Variants in ERN1 observed in about 807,000 individuals in gnomAD.
ERN1 encodes endoplasmic reticulum to nucleus signaling 1.
In ERN1, 39 loss-of-function variants were observed where a neutral mutation model predicts 113.1. That is an observed-to-expected ratio of 0.34 (90% CI 0.27 to 0.45). The LOEUF is 0.45. Among genes scored for constraint, ERN1 ranks in the 20% least tolerant of loss-of-function variants. ERN1 has a pLI of 1.00. For missense variants in ERN1, 976 were observed against 1,274.8 expected (o/e 0.77, Z 3.57); for synonymous variants, 507 against 515.9 (o/e 0.98, Z 0.23).
At position 64,066,804 on chromosome 17, in the gene ERN1, G is replaced by T. The variant is rs1256105016; in HGVS notation, c.709C>A (p.Leu237Met). The stretch of plus-strand genomic sequence containing the variant: ...ACATTGATGTGCATCACCTTCCTCA[G>T]ACCCTCCCGCTGCCAGACATAAAAG... ...VAFYVWQREG[L>M]RKVMHINVAV... The change falls in exon 8 of 22, where the codon CTG (leucine) becomes ATG (methionine). Residue 237 changes from leucine to methionine, a missense_variant. Physicochemically the swap from Leu to Met is conservative, Grantham distance 15 (BLOSUM62 2). Transcript: ENST00000433197. 2 of 1,613,776 alleles carry T rather than the reference G, an allele frequency of 1.2e-6. No homozygotes were observed. Among genetic ancestry groups the T allele is most frequent in the Non-Finnish European group, 1.7e-6 (2 of 1,179,874 alleles).
rs1172791473 is a variant in ERN1, at chr17:64,049,784, A to T, written c.2254-582T>A. Among the ~76,000 whole-genome samples the T allele has an allele frequency of 6.6e-6, 1 of 152,228 alleles. No individual in the cohort carries two copies. The highest frequency in any genetic ancestry group is 1.9e-4 in the East Asian group (1 of 5,200). On this transcript the variant is annotated intron_variant, in intron 17 of 21. Transcript: ENST00000433197. This position sits in a 1 kb window ranked among gnomAD's most constrained non-coding sequence, Gnocchi z 4.7. ...TCCGAGAAAGCCTCTCACTTATCCC[A>T]TGAAACCATTCTGTGTCTACAGAAT...
chr17:64,048,957 C>T (rs907588079), intron 18 of ERN1, 98 bp downstream of exon 18: 20 of 1,241,136 alleles, frequency 1.6e-5, no homozygotes, highest in Admixed American at 1.3e-4. Flanking sequence ...TGGGGCACCA[C>T]GGCCTCTGTG....
chr17:64,049,284 G>A lies in ERN1; in HGVS notation c.2254-82C>T, dbSNP rs1276852877. ...CAGTCAGGGAGGGAGGAGCATTGCT[G>A]CTGCTTCTGCCACCTAGAAGGTGTC... On this transcript the variant is annotated intron_variant, in intron 17 of 21. Coordinates refer to ENST00000433197, the MANE Select transcript of ERN1 (RefSeq NM_001433.5). The surrounding 1 kb of genome is among the most constrained non-coding windows in gnomAD (Gnocchi z 4.7). 19 of 1,376,848 alleles carry A rather than the reference G, an allele frequency of 1.4e-5. No homozygotes were observed. The highest frequency in any genetic ancestry group is 2.9e-5 in the African/African-American group (2 of 68,680). 85.3% of individuals were successfully genotyped at this position (1,376,848 alleles called of 1,614,324 possible). A position where few individuals can be genotyped will look rare whatever the true frequency, so the allele number is the denominator to read the frequency against.
chr17:64,110,869 C>A (rs996763226), intron 1 of ERN1, among the ~76,000 whole-genome samples: 1 of 152,202 alleles, frequency 6.6e-6, no homozygotes, highest in African/African-American at 2.4e-5. Context: ...TGTGCTGGCA[C>A]AACCAAACCT....
intron 17 of ERN1, among the ~76,000 whole-genome samples, chr17:64,051,746 A>C (rs1321636148): frequency 1.3e-5 from 2 of 152,260 alleles, no homozygotes; most frequent in Non-Finnish European, 2.9e-5. Flanking sequence ...ATCCTGGTAT[A>C]TAAAACCCAG....
intron 1 of ERN1, among the ~76,000 whole-genome samples, chr17:64,122,255 G>C (rs578085497): frequency 6.6e-6 from 1 of 152,216 alleles, no homozygotes; most frequent in African/African-American, 2.4e-5. Context: ...CTGGAAGACA[G>C]AGCAGGGTAG....
intron 2 of ERN1, among the ~76,000 whole-genome samples, chr17:64,094,279 C>T (rs1460766571): frequency 6.6e-6 from 1 of 152,174 alleles, no homozygotes; most frequent in African/African-American, 2.4e-5. Flanking sequence ...CTATCCTGCA[C>T]TTGTCTCCAT....
At position 64,066,747 on chromosome 17, in the gene ERN1, T is replaced by G. The variant is rs1913239701; in HGVS notation, c.766A>C (p.Met256Leu). The G allele has an allele frequency of 1.9e-6, 3 of 1,613,788 alleles. No individual in the cohort carries two copies. Among genetic ancestry groups the G allele is most frequent in the Admixed American group, 1.7e-5 (1 of 59,996 alleles). ...AVETLRYLTF[M>L]SGEVGRITKW... Reference sequence around the variant, plus strand: ...GTGATGCGCCCCACCTCCCCAGACATGAAGGTCAGATAGCGCAGGGTCTCC... The same window carrying G: ...GTGATGCGCCCCACCTCCCCAGACAGGAAGGTCAGATAGCGCAGGGTCTCC... The change falls in exon 8 of 22, where the codon ATG (methionine) becomes CTG (leucine). Residue 256 changes from methionine to leucine, a missense_variant. Coordinates refer to ENST00000433197, the MANE Select transcript of ERN1 (RefSeq NM_001433.5).
Position 64,063,906 on chromosome 17 carries a change from T to G in ERN1, c.1087+80A>C. 7.2e-7 allele frequency: 1 copy of G among 1,395,528 alleles called. No individual in the cohort carries two copies. The highest frequency in any genetic ancestry group is 2.3e-5 in the East Asian group (1 of 42,950). The allele number at this position is 1,395,528 out of a possible 1,614,324, so 86.4% of individuals were successfully genotyped here. A position where few individuals can be genotyped will look rare whatever the true frequency, so the allele number is the denominator to read the frequency against. ...ACAAGGCCTTCCGAGCTCAGTACGG[T>G]GTAACTACCAGGGCCGGCGGTCGCC... is the stretch of plus-strand genomic sequence containing the variant. On this transcript the variant is annotated intron_variant, in intron 10 of 21. Transcript: ENST00000433197. This position sits in a 1 kb window ranked among gnomAD's most constrained non-coding sequence, Gnocchi z 5.1.
intron 2 of ERN1, among the ~76,000 whole-genome samples, chr17:64,091,952 ACC>A (rs1000214926): frequency 5.9e-5 from 9 of 152,302 alleles, no homozygotes; most frequent in African/African-American, 2.2e-4. Context: ...CAGGTAACAC[ACC>A]ACACACACTG....
At chr17:64,071,466 G>A (rs981997087) in intron 6 of ERN1, among the ~76,000 whole-genome samples, 3 of 151,976 alleles carry the variant, frequency 2.0e-5, no homozygotes, top group Non-Finnish European at 4.4e-5. Flanking sequence ...TGTTGCCCAG[G>A]CTGGAGTGCA....
intron 1 of ERN1, among the ~76,000 whole-genome samples, chr17:64,109,706 G>A (rs1051723690): frequency 1.3e-5 from 2 of 152,216 alleles, no homozygotes; most frequent in Non-Finnish European, 2.9e-5. Flanking sequence ...CACAGGAAAA[G>A]AAATCAAGGC....
At position 64,128,093 on chromosome 17, in the gene ERN1, C is replaced by T. The variant is rs945564462; in HGVS notation, c.54+1883G>A. 4.6e-5 allele frequency among the ~76,000 whole-genome samples: 7 copies of T among 151,156 alleles called. 1 individual carries two copies. The South Asian group carries it at 1.0e-3, about 23-fold the overall frequency. Reference sequence around the variant, plus strand: ...CTCTGCAACCTCTGCCTCCCAGGTTCGGGTGATTCTCCTGCCTCAGCCTCC... The same window carrying T: ...CTCTGCAACCTCTGCCTCCCAGGTTTGGGTGATTCTCCTGCCTCAGCCTCC... On this transcript the variant is annotated intron_variant, in intron 1 of 21. Coordinates refer to ENST00000433197, the MANE Select transcript of ERN1 (RefSeq NM_001433.5).
In ERN1 at chr17:64,063,853, CA is replaced by C. The variant is rs1270198323; in HGVS notation, c.1087+132del. On this transcript the variant is annotated intron_variant, in intron 10 of 21. Transcript: ENST00000433197. The surrounding 1 kb of genome is among the most constrained non-coding windows in gnomAD (Gnocchi z 5.1). ...TGGGGGTAAAAATGTCCCAAGGTCT[CA>C]GGGGCCAGCCGGGAAGGGCTCTGAG... 2.6e-6 allele frequency: 2 copies of C among 757,018 alleles called. No homozygotes were observed. The highest frequency in any genetic ancestry group is 5.4e-5 in the East Asian group (2 of 37,084). 46.9% of individuals were successfully genotyped at this position (757,018 alleles called of 1,614,324 possible).
At chr17:64,106,763 CAA>C (rs1598083917) in intron 1 of ERN1, among the ~76,000 whole-genome samples, 4 of 138,540 alleles carry the variant, frequency 2.9e-5, no homozygotes, top group African/African-American at 3.1e-5. Flanking sequence ...CACACACACA[CAA>C]GCTCGCTGTC....
At chr17:64,073,129 C>A (rs1468587579) in intron 5 of ERN1, among the ~76,000 whole-genome samples, 3 of 151,818 alleles carry the variant, frequency 2.0e-5, no homozygotes, top group African/African-American at 4.8e-5. Flanking sequence ...CCTCAGCCTC[C>A]CCATAGTTGA....
At chr17:64,081,768 G>T (rs1037942634) in intron 2 of ERN1, among the ~76,000 whole-genome samples, 2 of 152,136 alleles carry the variant, frequency 1.3e-5, no homozygotes, top group Admixed American at 6.5e-5. Context: ...TTTTACATTT[G>T]CAGCAATTAA....
rs1288300468 is a variant in ERN1 at position 64,059,230 on chromosome 17, G to T, written c.1207-1237C>A. On this transcript the variant is annotated intron_variant, in intron 11 of 21. Coordinates refer to ENST00000433197, the MANE Select transcript of ERN1 (RefSeq NM_001433.5). ...CTCCAACCTGGCTACTTCCGTAGAT[G>T]ATGGTAAACAGATACTGTGCCCTGG... Among the ~76,000 whole-genome samples the T allele has an allele frequency of 2.6e-5, 4 of 152,340 alleles. No homozygotes were observed. The East Asian group carries it at 7.7e-4, about 29-fold the overall frequency.
intron 10 of ERN1, among the ~76,000 whole-genome samples, chr17:64,062,946 C>CT (rs1371114435): frequency 6.6e-6 from 1 of 152,124 alleles, no homozygotes; most frequent in Non-Finnish European, 1.5e-5. Context: ...TCAAGGATAC[C>CT]TGGTTTCCCC....
Sources: gnomAD v4.1 joint callset for allele counts (sites outside exome capture counted in the v4.1 genomes callset) on GRCh38, gnomAD v4.1.1 for gene constraint, Gnocchi (gnomAD v3.1) non-coding constraint, MANE v1.5 for transcripts, NCBI Gene and HGNC (gene_info 2026-07-23, HGNC 2026-07-21) for gene names.